BRAP: variants seen among roughly 807,000 people sequenced by gnomAD.
BRAP encodes the protein BRCA1-associated protein.
In BRAP, 42 loss-of-function variants were observed where a neutral mutation model predicts 73.4. The observed-to-expected ratio is 0.57, with a 90% CI of 0.45 to 0.74. BRAP has a LOEUF of 0.74. BRAP is among the 30% of genes least tolerant of loss of function. The pLI, the probability that BRAP is intolerant of heterozygous loss-of-function variation, is 0.00. For synonymous variants in BRAP, 255 were observed against 267.4 expected (o/e 0.95, Z 0.45); for missense variants, 593 against 751.4 (o/e 0.79, Z 2.46).
At chr12:111,666,985 C>T (rs1244514080) in intron 5 of BRAP, among the ~76,000 whole-genome samples, 1 of 152,140 alleles carries the variant, frequency 6.6e-6, no homozygotes, top group African/African-American at 2.4e-5. Context: ...TCAGTTGTTT[C>T]TCTCTCCCAG....
intron 5 of BRAP, among the ~76,000 whole-genome samples, chr12:111,671,639 C>T (rs1887176226): frequency 6.7e-6 from 1 of 150,136 alleles, no homozygotes; most frequent in Non-Finnish European, 1.5e-5. Flanking sequence ...GGGAAAAATG[C>T]TTGAGCTGAG....
rs1362804073 is a variant in BRAP at position 111,642,566 on chromosome 12, C to T, written c.*1633G>A. 1.3e-5 allele frequency: 2 copies of T among 152,154 alleles called. No individual in the cohort carries two copies. The highest frequency in any genetic ancestry group is 4.8e-5 in the African/African-American group (2 of 41,438). 9.4% of individuals were successfully genotyped at this position (152,154 alleles called of 1,614,324 possible). A position where few individuals can be genotyped will look rare whatever the true frequency, so the allele number is the denominator to read the frequency against. On this transcript the variant is annotated 3_prime_UTR_variant, in exon 12 of 12. Transcript: ENST00000419234. ...ATTAGTATGCTATGATCCACCCCAG[C>T]TTCTGCAAGGTCAGACATGCAAGAC...
At chr12:111,654,152 G>C (rs1470962294) in intron 10 of BRAP, among the ~76,000 whole-genome samples, 1 of 152,190 alleles carries the variant, frequency 6.6e-6, no homozygotes, top group Non-Finnish European at 1.5e-5. Flanking sequence ...GCTCCAACGA[G>C]AGCATTGGGA....
At chr12:111,652,373 G>A (rs1259487690) in intron 10 of BRAP, among the ~76,000 whole-genome samples, 2 of 152,014 alleles carry the variant, frequency 1.3e-5, no homozygotes, top group African/African-American at 2.4e-5. Flanking sequence ...ATGGGCACCC[G>A]CTACCACGTC....
intron 6 of BRAP, 24 bp from the exon 7 acceptor site, chr12:111,660,699 T>G: frequency 1.3e-6 from 2 of 1,580,884 alleles, no homozygotes; most frequent in Non-Finnish European, 1.7e-6. Context: ...CAAAAGATAA[T>G]GGTGCAGGTT....
chr12:111,670,265 C>A, intron 5 of BRAP: 2 of 591,598 alleles, frequency 3.4e-6, no homozygotes, highest in Non-Finnish European at 6.6e-6. Flanking sequence ...CCCTCCATTA[C>A]TGGAAGAAAC....
At chr12:111,644,687 A>G in intron 11 of BRAP, 125 bp from the exon 12 acceptor site, 5 of 1,378,504 alleles carry the variant, frequency 3.6e-6, no homozygotes, top group South Asian at 1.4e-5. Context: ...CCTTTCTCCC[A>G]TCGTGAGGGA....
intron 6 of BRAP, among the ~76,000 whole-genome samples, chr12:111,663,140 T>C (rs1466564739): frequency 6.6e-6 from 1 of 152,062 alleles, no homozygotes; most frequent in Non-Finnish European, 1.5e-5. Flanking sequence ...TACTACCTCA[T>C]CTGTCTACTA....
intron 2 of BRAP, 54 bp from the exon 3 acceptor site, chr12:111,681,889 G>T: frequency 7.5e-6 from 11 of 1,471,558 alleles, no homozygotes; most frequent in Non-Finnish European, 1.0e-5. Context: ...TATGCTGAAG[G>T]ATTTGAACTA....
intron 4 of BRAP, among the ~76,000 whole-genome samples, chr12:111,678,625 C>A (rs1208768552): frequency 6.6e-6 from 1 of 151,752 alleles, no homozygotes; most frequent in Non-Finnish European, 1.5e-5. Flanking sequence ...CCACTGCACT[C>A]CAGCCTGGGC....
intron 11 of BRAP, among the ~76,000 whole-genome samples, chr12:111,646,368 A>G (rs1886112682): frequency 6.6e-6 from 1 of 152,250 alleles, no homozygotes; most frequent in Non-Finnish European, 1.5e-5. Context: ...TACTATTTTT[A>G]TGCATCAGAA....
intron 2 of BRAP, among the ~76,000 whole-genome samples, 192 bp downstream of exon 2, chr12:111,682,954 C>A (rs1277942881): frequency 6.6e-6 from 1 of 151,890 alleles, no homozygotes; most frequent in East Asian, 1.9e-4. Context: ...TCAACTCCAA[C>A]TGTTAGGATT....
At chr12:111,649,782 C>T (rs1886250230) in intron 11 of BRAP, among the ~76,000 whole-genome samples, 157 bp downstream of exon 11, 1 of 152,204 alleles carries the variant, frequency 6.6e-6, no homozygotes, top group South Asian at 2.1e-4. Context: ...GTATGAAACC[C>T]CGCATTTTTT....
intron 7 of BRAP, 93 bp downstream of exon 7, chr12:111,660,502 ATAAAT>A: frequency 4.7e-6 from 5 of 1,062,702 alleles, no homozygotes; most frequent in Non-Finnish European, 6.4e-6. Context: ...AAAATAAAAA[ATAAAT>A]TAAAAATAAA....
chr12:111,669,590 A>G (rs1887090524), intron 5 of BRAP, among the ~76,000 whole-genome samples: 1 of 152,088 alleles, frequency 6.6e-6, no homozygotes, highest in Non-Finnish European at 1.5e-5. Flanking sequence ...AAAAGGTACC[A>G]TTTCTGATTT....
intron 11 of BRAP, among the ~76,000 whole-genome samples, chr12:111,647,656 A>C (rs1566108503): frequency 6.6e-6 from 1 of 152,164 alleles, no homozygotes; most frequent in Non-Finnish European, 1.5e-5. Context: ...CTGTAAAACC[A>C]GCACTTTAGC....
intron 11 of BRAP, among the ~76,000 whole-genome samples, chr12:111,645,172 G>A (rs771762273): frequency 1.4e-4 from 21 of 151,962 alleles, no homozygotes; most frequent in Non-Finnish European, 2.5e-4. Flanking sequence ...GGGTTCAAGC[G>A]ATTCTCCTGC....
At chr12:111,660,459 G>T in intron 7 of BRAP, 141 bp downstream of exon 7, 3 of 636,200 alleles carry the variant, frequency 4.7e-6, no homozygotes, top group Non-Finnish European at 4.5e-6. Context: ...AGACCAGCCT[G>T]GGCAACACAG....
intron 9 of BRAP, among the ~76,000 whole-genome samples, chr12:111,656,034 C>T (rs927725710): frequency 6.6e-6 from 1 of 152,176 alleles, no homozygotes; most frequent in African/African-American, 2.4e-5. Flanking sequence ...TCAGGCACCC[C>T]CTGACTGATA....
Sources: allele counts gnomAD v4.1 joint callset (sites outside exome capture counted in the v4.1 genomes callset), GRCh38; gene constraint gnomAD v4.1.1; transcripts MANE v1.5; gene names NCBI Gene and HGNC (gene_info 2026-07-23, HGNC 2026-07-21).